THRAP3: variants seen among roughly 807,000 people sequenced by gnomAD.
The protein encoded by THRAP3 is thyroid hormone receptor-associated protein 3.
In THRAP3, 16 loss-of-function variants were observed where a neutral mutation model predicts 101.0. That is an observed-to-expected ratio of 0.16 (90% CI 0.11 to 0.24). The LOEUF is 0.24. Ranked by LOEUF, THRAP3 falls within the 10% of genes least tolerant of loss-of-function variation. The probability of loss-of-function intolerance (pLI) is 1.00; values close to 1 mark genes in which losing one functional copy is unlikely to be tolerated. For synonymous variants in THRAP3, 407 were observed against 422.6 expected (o/e 0.96, Z 0.45); for missense variants, 989 against 1,202.7 (o/e 0.82, Z 2.63).
the THRAP3 span, among the ~76,000 whole-genome samples, chr1:36,213,997 GGAAAGAAAGAAAGAAAGAAAGAAA>G: frequency 6.5e-3 from 524 of 81,032 alleles, 5 homozygotes; most frequent in Middle Eastern, 0.017. Context: ...AAGAAAGAAA[GGAAAGAAAGAAAGAAAGAAAGAAA>G]GAAAGAAAGA....
At chr1:36,210,746 A>ATCATATATATATATCAT in the THRAP3 span, among the ~76,000 whole-genome samples, 3 of 98,866 alleles carry the variant, frequency 3.0e-5, no homozygotes, top group East Asian at 2.7e-4. Flanking sequence ...TCATATATAT[A>ATCATATATATATATCAT]AAGTGTCAGC....
Position 36,278,869 on chromosome 1 carries a change from G to A in THRAP3, c.-31-3664G>A, listed in dbSNP as rs576301405. On this transcript the variant is annotated intron_variant, in intron 2 of 11. Transcript: ENST00000354618. ...ACCCAGGTGGCAGAGGTTGCAGTGA[G>A]CTGAGATCATGCCATTGCACTCTAG... 1.4e-3 allele frequency among the ~76,000 whole-genome samples: 219 copies of A among 151,984 alleles called. 1 individual carries two copies. Among genetic ancestry groups the A allele is most frequent in the Non-Finnish European group, 2.5e-4 (17 of 68,000 alleles).
At chr1:36,288,153 T>G (rs1347797998) in intron 4 of THRAP3, 1 of 967,212 alleles carries the variant, frequency 1.0e-6, no homozygotes, top group African/African-American at 1.8e-5. Flanking sequence ...TTTATTTTAT[T>G]TATTTATTTA....
intron 4 of THRAP3, chr1:36,288,611 G>C: frequency 1.0e-6 from 1 of 985,414 alleles, no homozygotes; most frequent in African/African-American, 1.7e-5. Flanking sequence ...TTTTAGACTT[G>C]TATTTCCAAA....
intron 1 of THRAP3, among the ~76,000 whole-genome samples, chr1:36,253,757 C>A (rs1195791529): frequency 5.1e-5 from 1 of 19,718 alleles, no homozygotes; most frequent in Non-Finnish European, 1.3e-4. Context: ...TTGAGTCAGG[C>A]TAATTTTTTT....
In THRAP3 at chr1:36,286,679, C is replaced by G; in HGVS notation, c.449C>G (p.Ser150Cys). Reference protein sequence around the residue: ...RSHSRNSDKSSSDRSRRSSSS... With the variant: ...RSHSRNSDKSCSDRSRRSSSS... ...CATTCTAGAAACTCTGATAAGTCGT[C>G]TTCTGACCGGTCAAGGCGCTCCTCA... is the stretch of plus-strand genomic sequence containing the variant. The change falls in exon 4 of 12, where the codon TCT (serine) becomes TGT (cysteine). Residue 150 changes from serine (S) to cysteine (C), a missense_variant. Transcript: ENST00000354618. The surrounding 1 kb of genome is among the most constrained non-coding windows in gnomAD (Gnocchi z 5.5). The G allele has an allele frequency of 6.2e-7, 1 of 1,614,198 alleles. No individual in the cohort carries two copies. The highest frequency in any genetic ancestry group is 8.5e-7 in the Non-Finnish European group (1 of 1,180,034).
intron 11 of THRAP3, among the ~76,000 whole-genome samples, chr1:36,302,655 T>A (rs1162081698): frequency 6.6e-6 from 1 of 152,112 alleles, no homozygotes; most frequent in Non-Finnish European, 1.5e-5. Flanking sequence ...TGAGCTGAGC[T>A]CCAACAGCCT....
In THRAP3 at chr1:36,293,640, CTGTGTGTG is replaced by C. The variant is rs577292328; in HGVS notation, c.2031-179_2031-172del. On this transcript the variant is annotated intron_variant, in intron 7 of 11. Coordinates refer to ENST00000354618, the MANE Select transcript of THRAP3 (RefSeq NM_005119.4). ...TCTGTTACACTGTGGGAACCTGGGA[CTGTGTGTG>C]TGTGTGTGTGTGTGTGTGTGTGTGT... 3.2e-3 allele frequency among the ~76,000 whole-genome samples: 432 copies of C among 133,422 alleles called. 3 individuals are homozygous for C. Among genetic ancestry groups the C allele is most frequent in the African/African-American group, 6.8e-3 (246 of 35,956 alleles). The allele number at this position is 133,422 out of a possible 152,430, so 87.5% of individuals were successfully genotyped here.
intron 3 of THRAP3, among the ~76,000 whole-genome samples, chr1:36,285,901 A>G (rs1228588951): frequency 6.6e-6 from 1 of 152,182 alleles, no homozygotes; most frequent in African/African-American, 2.4e-5. Context: ...TGACTAGGAT[A>G]GGGTGTGGAG....
the THRAP3 span, among the ~76,000 whole-genome samples, chr1:36,207,757 C>G: frequency 0.67 from 102,031 of 152,018 alleles, 34,462 homozygotes; most frequent in Non-Finnish European, 0.71. Flanking sequence ...GGAAAGGAGA[C>G]ATTCTGGCTA....
chr1:36,288,003 TTC>T (rs934842803), intron 4 of THRAP3: 4 of 957,982 alleles, frequency 4.2e-6, no homozygotes, highest in Admixed American at 1.2e-4. Flanking sequence ...CCCTTTTTTT[TTC>T]TTTTATCGTA....
intron 2 of THRAP3, among the ~76,000 whole-genome samples, chr1:36,274,330 A>G (rs1414768169): frequency 6.6e-6 from 1 of 152,208 alleles, no homozygotes; most frequent in Non-Finnish European, 1.5e-5. Flanking sequence ...ACTATTGTTA[A>G]GATGGCAGTA....
chr1:36,304,135 A>AG lies in THRAP3; in HGVS notation c.*119dup, dbSNP rs1646066110. 1 of 1,399,394 alleles carries AG rather than the reference A, an allele frequency of 7.1e-7. No homozygotes were observed. Among genetic ancestry groups the AG allele is most frequent in the African/African-American group, 1.5e-5 (1 of 68,344 alleles). 86.7% of individuals were successfully genotyped at this position (1,399,394 alleles called of 1,614,324 possible). A position where few individuals can be genotyped will look rare whatever the true frequency, so the allele number is the denominator to read the frequency against. On this transcript the variant is annotated 3_prime_UTR_variant, in exon 12 of 12. Coordinates refer to ENST00000354618, the MANE Select transcript of THRAP3 (RefSeq NM_005119.4). ...GAAAATCCTACCCCCACCCCCCACC[A>AG]GCCGCACAGATTGTACTACCGCGAG...
At chr1:36,282,012 G>T (rs1265946566) in intron 2 of THRAP3, among the ~76,000 whole-genome samples, 1 of 152,070 alleles carries the variant, frequency 6.6e-6, no homozygotes, top group Non-Finnish European at 1.5e-5. Flanking sequence ...GGCGGAGGTT[G>T]TGGTGAGCTG....
At chr1:36,239,509 C>G (rs756486018) in intron 1 of THRAP3, among the ~76,000 whole-genome samples, 1 of 152,076 alleles carries the variant, frequency 6.6e-6, no homozygotes, top group Non-Finnish European at 1.5e-5. Flanking sequence ...TCAAGTAATC[C>G]TCTCACCTCG....
intron 1 of THRAP3, among the ~76,000 whole-genome samples, chr1:36,241,185 T>C (rs1273387484): frequency 1.2e-5 from 1 of 81,354 alleles, no homozygotes; most frequent in Non-Finnish European, 2.4e-5. Flanking sequence ...AGTGCAAGAC[T>C]CCGTTTCAAA....
At chr1:36,282,741 TC>T (rs1645749852) in intron 3 of THRAP3, 41 bp downstream of exon 3, 3 of 1,608,560 alleles carry the variant, frequency 1.9e-6, no homozygotes, top group Middle Eastern at 3.3e-4. Context: ...AATCATTGCA[TC>T]AGTCGATGTG....
At chr1:36,266,451 T>A (rs758016254) in intron 2 of THRAP3, among the ~76,000 whole-genome samples, 6 of 152,214 alleles carry the variant, frequency 3.9e-5, no homozygotes, top group Non-Finnish European at 5.9e-5. Context: ...ACATTTCTCA[T>A]TGAATTTTCT....
chr1:36,238,531 A>G (rs999662543), intron 1 of THRAP3, among the ~76,000 whole-genome samples: 1 of 152,090 alleles, frequency 6.6e-6, no homozygotes, highest in African/African-American at 2.4e-5. Context: ...ATTTATGATG[A>G]GTGAGCTAAA....
Sources: allele counts gnomAD v4.1 joint callset (sites outside exome capture counted in the v4.1 genomes callset), GRCh38; gene constraint gnomAD v4.1.1; non-coding constraint Gnocchi (gnomAD v3.1); transcripts MANE v1.5; gene names NCBI Gene and HGNC (gene_info 2026-07-23, HGNC 2026-07-21).